Variants in PCDHGA3 observed in about 807,000 individuals in gnomAD.
The protein encoded by PCDHGA3 is protocadherin gamma-A3.
Under a neutral mutation model 58.5 loss-of-function variants are expected in PCDHGA3, and 40 were observed. That is an observed-to-expected ratio of 0.68 (90% CI 0.53 to 0.89). PCDHGA3 has a LOEUF of 0.89. PCDHGA3 is among the 40% of genes least tolerant of loss of function. PCDHGA3 has a pLI of 0.00. For missense variants in PCDHGA3, 1,223 were observed against 1,195.9 expected (o/e 1.02, Z -0.33); for synonymous variants, 530 against 525.7 (o/e 1.01, Z -0.11).
intron 1 of PCDHGA3, chr5:141,371,384 T>C: frequency 2.5e-6 from 4 of 1,613,984 alleles, no homozygotes; most frequent in Non-Finnish European, 3.4e-6. Flanking sequence ...ACACTGCATA[T>C]TGTAAAGTAC....
chr5:141,462,161 T>G (rs1592764918), intron 1 of PCDHGA3, among the ~76,000 whole-genome samples: 1 of 152,148 alleles, frequency 6.6e-6, no homozygotes, highest in Non-Finnish European at 1.5e-5. Flanking sequence ...GGTTTCATCA[T>G]GTTGGCCAGG....
chr5:141,352,797 A>G, intron 1 of PCDHGA3: 4 of 930,292 alleles, frequency 4.3e-6, no homozygotes, highest in Non-Finnish European at 4.8e-6. Flanking sequence ...TGAGACCAGC[A>G]TAGCCAAGAT....
intron 1 of PCDHGA3, among the ~76,000 whole-genome samples, chr5:141,434,479 A>C (rs2097696849): frequency 6.6e-6 from 1 of 152,202 alleles, no homozygotes; most frequent in African/African-American, 2.4e-5. Flanking sequence ...AGGGCAAGGA[A>C]CACCTGGCCC....
intron 1 of PCDHGA3, chr5:141,389,423 C>A (rs779826135): frequency 1.9e-6 from 3 of 1,613,398 alleles, no homozygotes; most frequent in Non-Finnish European, 8.5e-7. Context: ...GGGTGGTGTT[C>A]GCGCAGCGCG....
intron 1 of PCDHGA3, among the ~76,000 whole-genome samples, chr5:141,368,504 G>A (rs567370495): frequency 3.0e-4 from 45 of 152,138 alleles, no homozygotes; most frequent in Non-Finnish European, 5.3e-4. Context: ...AGTAGGTGTC[G>A]ACATTATTCA....
intron 1 of PCDHGA3, chr5:141,375,694 C>T (rs2150065576): frequency 1.2e-6 from 2 of 1,614,232 alleles, no homozygotes; most frequent in African/African-American, 2.7e-5. Context: ...CCAGCGACAG[C>T]GGGGACCCGC....
chr5:141,356,329 G>A (rs1371639512), intron 1 of PCDHGA3: 4 of 1,554,226 alleles, frequency 2.6e-6, no homozygotes, highest in Admixed American at 2.0e-5. Flanking sequence ...CAGTGACTCA[G>A]GAGGAAATGG....
At chr5:141,428,175 G>A (rs766332920) in intron 1 of PCDHGA3, 20 of 1,508,456 alleles carry the variant, frequency 1.3e-5, no homozygotes, top group Non-Finnish European at 1.8e-5. Flanking sequence ...GTGCGTGACG[G>A]AGGACAGCCG....
intron 1 of PCDHGA3, chr5:141,430,959 T>A: frequency 6.2e-7 from 1 of 1,612,026 alleles, no homozygotes; most frequent in Non-Finnish European, 8.5e-7. Flanking sequence ...GTCCGCATCA[T>A]CCCCAGAGGT....
intron 1 of PCDHGA3, chr5:141,399,787 A>C (rs111395890): frequency 0.048 from 76,979 of 1,613,184 alleles, 1,998 homozygotes; most frequent in South Asian, 0.077. Flanking sequence ...CCGAAACGAC[A>C]ACGCACCGCG....
Position 141,491,436 on chromosome 5 carries a change from G to A in PCDHGA3, c.2425-3371G>A, listed in dbSNP as rs771884610. ...ACGGGGGTGGAGGGCAGTGCTGCAG[G>A]CGCCAGGACTCACCCTCCCCGGACT... On this transcript the variant is annotated intron_variant, in intron 1 of 3. Coordinates refer to ENST00000253812, the MANE Select transcript of PCDHGA3 (RefSeq NM_018916.4). This position sits in a 1 kb window ranked among gnomAD's most constrained non-coding sequence, Gnocchi z 6.9. 1 of 1,614,070 alleles carries A rather than the reference G, an allele frequency of 6.2e-7. No individual in the cohort carries two copies. The highest frequency in any genetic ancestry group is 8.5e-7 in the Non-Finnish European group (1 of 1,180,034).
At chr5:141,438,282 T>C (rs915347472) in intron 1 of PCDHGA3, among the ~76,000 whole-genome samples, 1 of 151,630 alleles carries the variant, frequency 6.6e-6, no homozygotes, top group African/African-American at 2.4e-5. Context: ...CAAAATAATT[T>C]AATCTGTATG....
chr5:141,431,537 C>A lies in PCDHGA3; in HGVS notation c.2425-63270C>A, dbSNP rs2097391571. On this transcript the variant is annotated intron_variant, in intron 1 of 3. Transcript: ENST00000253812. This position sits in a 1 kb window ranked among gnomAD's most constrained non-coding sequence, Gnocchi z 4.8. ...TCCGGAGAATCTGGCCTTGGGCACG[C>A]AGCTGCTTGTAGTCAACGCTACCGA... 6.2e-7 allele frequency: 1 copy of A among 1,614,102 alleles called. No individual in the cohort carries two copies. The highest frequency in any genetic ancestry group is 1.3e-5 in the African/African-American group (1 of 75,072).
At chr5:141,350,167 T>C in intron 1 of PCDHGA3, 1 of 1,181,342 alleles carries the variant, frequency 8.5e-7, no homozygotes, top group South Asian at 2.3e-5. Context: ...GCCTAACTAA[T>C]AAGTCCTAAG....
Position 141,423,157 on chromosome 5 carries a change from G to C in PCDHGA3, c.2425-71650G>C, listed in dbSNP as rs527921011. The C allele has an allele frequency of 7.4e-6, 12 of 1,610,820 alleles. No homozygotes were observed. The South Asian group carries it at 1.2e-4, about 16-fold the overall frequency. ...CAGAGACGCGCTCAAGCAGAGCCTC[G>C]TGGTGGCCGTCCAGGACCACGGCCA... On this transcript the variant is annotated intron_variant, in intron 1 of 3. Coordinates refer to ENST00000253812, the MANE Select transcript of PCDHGA3 (RefSeq NM_018916.4).
chr5:141,413,636 T>G, intron 1 of PCDHGA3: 2 of 1,613,876 alleles, frequency 1.2e-6, no homozygotes, highest in South Asian at 2.2e-5. Context: ...GCTGCGGGAA[T>G]GCGTTTTCCT....
At chr5:141,399,402 G>T (rs2093800599) in intron 1 of PCDHGA3, 2 of 1,613,898 alleles carry the variant, frequency 1.2e-6, no homozygotes, top group Non-Finnish European at 1.7e-6. Context: ...ACAGGGGCAA[G>T]CCGCCCCTCT....
chr5:141,365,828 C>T (rs768625295), intron 1 of PCDHGA3: 1 of 1,613,974 alleles, frequency 6.2e-7, no homozygotes, highest in Non-Finnish European at 8.5e-7. Context: ...TCAGGGGGCG[C>T]CCTTGTCCTC....
chr5:141,402,996 T>G, intron 1 of PCDHGA3: 3 of 1,613,890 alleles, frequency 1.9e-6, no homozygotes, highest in Non-Finnish European at 1.7e-6. Context: ...AGATTAGTCC[T>G]GCTATGCTCG....
Sources: allele counts gnomAD v4.1 joint callset (sites outside exome capture counted in the v4.1 genomes callset), GRCh38; gene constraint gnomAD v4.1.1; non-coding constraint Gnocchi (gnomAD v3.1); transcripts MANE v1.5; gene names NCBI Gene and HGNC (gene_info 2026-07-23, HGNC 2026-07-21).